PODN: variants seen among roughly 807,000 people sequenced by gnomAD.
PODN encodes the protein podocan, also known as podocan proteoglycan.
PODN carries 40 observed loss-of-function variants against 52.7 expected under a neutral mutation model. The observed-to-expected ratio is 0.76, with a 90% CI of 0.59 to 0.99. The LOEUF (loss-of-function observed/expected upper bound fraction) is 0.99. Ranked by LOEUF, PODN falls within the 50% of genes least tolerant of loss-of-function variation. The pLI, the probability that PODN is intolerant of heterozygous loss-of-function variation, is 0.00. For missense variants in PODN, 720 were observed against 815.1 expected (o/e 0.88, Z 1.42); for synonymous variants, 396 against 377.9 (o/e 1.05, Z -0.56).
intron 1 of PODN, among the ~76,000 whole-genome samples, chr1:53,065,367 A>AG (rs397958285): frequency 1.3e-5 from 2 of 151,714 alleles, no homozygotes; most frequent in African/African-American, 4.9e-5. Context: ...AAAAAAAAAA[A>AG]GAAAGTTGGA....
chr1:53,075,310 C>T (rs1644178125), intron 4 of PODN, among the ~76,000 whole-genome samples: 1 of 152,230 alleles, frequency 6.6e-6, no homozygotes, highest in South Asian at 2.1e-4. Context: ...AGCACCCAGA[C>T]CCAGTCCTCC....
At chr1:53,078,102 G>GACCT (rs1644223812) in intron 7 of PODN, among the ~76,000 whole-genome samples, 1 of 152,204 alleles carries the variant, frequency 6.6e-6, no homozygotes, top group African/African-American at 2.4e-5. Context: ...TTTTCTAAGG[G>GACCT]ACCAGGGTAG....
At chr1:53,073,068 A>G (rs1218242544) in intron 3 of PODN, 2 of 224,288 alleles carry the variant, frequency 8.9e-6, no homozygotes, top group Non-Finnish European at 1.9e-5. Context: ...CTGTCTAACT[A>G]AAGCAAGCTC....
chr1:53,067,327 C>A (rs1375613615), intron 1 of PODN, among the ~76,000 whole-genome samples: 1 of 151,990 alleles, frequency 6.6e-6, no homozygotes, highest in African/African-American at 2.4e-5. Context: ...CTCCTTGGGA[C>A]CCCTTTTACG....
intron 9 of PODN, among the ~76,000 whole-genome samples, 193 bp downstream of exon 9, chr1:53,081,069 A>G (rs1644288772): frequency 6.6e-6 from 1 of 152,238 alleles, no homozygotes; most frequent in Non-Finnish European, 1.5e-5. Flanking sequence ...TGGAAACGTT[A>G]GAAGCCAGTG....
At chr1:53,075,481 T>G (rs568307810) in intron 4 of PODN, among the ~76,000 whole-genome samples, 11 of 152,332 alleles carry the variant, frequency 7.2e-5, no homozygotes, top group African/African-American at 2.6e-4. Flanking sequence ...ACCTGGACGC[T>G]TGCCTCCTCA....
Position 53,077,870 on chromosome 1 carries a change from C to A in PODN, c.854+70C>A, listed in dbSNP as rs929184521. The A allele has an allele frequency of 4.1e-6, 5 of 1,210,122 alleles. No homozygotes were observed. The Admixed American group carries it at 8.1e-5, about 20-fold the overall frequency. The allele number at this position is 1,210,122 out of a possible 1,614,324, so 75.0% of individuals were successfully genotyped here. On this transcript the variant is annotated intron_variant, in intron 7 of 10. Transcript: ENST00000312553. Reference sequence around the variant, plus strand: ...GGGAAGCTCCTTCAGGGCCAACCATCCAGCCCAGCCCAGCCCCTCACGCAC... The same window carrying A: ...GGGAAGCTCCTTCAGGGCCAACCATACAGCCCAGCCCAGCCCCTCACGCAC...
chr1:53,074,802 C>A, intron 4 of PODN, 132 bp downstream of exon 4: 1 of 524,010 alleles, frequency 1.9e-6, no homozygotes, highest in Admixed American at 3.5e-5. Context: ...AGACATGGCC[C>A]TGGGTCGGGG....
chr1:53,070,032 C>G lies in PODN; in HGVS notation c.177C>G (p.Pro59=), dbSNP rs143779530. ...EPVLVLSPEE[P]GPGPAAVSCP... ...TGCTGGTACTGAGCCCTGAGGAGCC[C>G]GGGCCTGGCCCAGCCGCGGTCAGCT... is the stretch of plus-strand genomic sequence containing the variant. The change falls in exon 2 of 11, where the codon CCC becomes CCG. Residue 59 remains proline, a synonymous_variant. Transcript: ENST00000312553. 1.2e-6 allele frequency: 2 copies of G among 1,612,776 alleles called. No individual in the cohort carries two copies. Among genetic ancestry groups the G allele is most frequent in the Non-Finnish European group, 1.7e-6 (2 of 1,179,948 alleles).
intron 10 of PODN, among the ~76,000 whole-genome samples, chr1:53,082,952 A>AT (rs1644316791): frequency 6.6e-6 from 1 of 152,178 alleles, no homozygotes; most frequent in Admixed American, 6.5e-5. Flanking sequence ...CTGCATGCAC[A>AT]CATGTACACA....
intron 8 of PODN, among the ~76,000 whole-genome samples, chr1:53,080,471 A>G (rs1644278701): frequency 6.6e-6 from 1 of 152,214 alleles, no homozygotes; most frequent in Non-Finnish European, 1.5e-5. Context: ...TAGGACGTTC[A>G]TCAATTAGAA....
At chr1:53,064,313 C>A (rs75161068) in intron 1 of PODN, among the ~76,000 whole-genome samples, 2,853 of 152,316 alleles carry the variant, frequency 0.019, 99 homozygotes, top group African/African-American at 0.065. Context: ...AACACCCTAA[C>A]CCAGCCAAGG....
chr1:53,080,609 C>A (rs979646795), intron 8 of PODN, 119 bp from the exon 9 acceptor site: 12 of 1,079,482 alleles, frequency 1.1e-5, no homozygotes, highest in African/African-American at 1.1e-4. Context: ...AGACACCCCC[C>A]CTCCTCCACA....
At position 53,077,256 on chromosome 1, in the gene PODN, C is replaced by T; in HGVS notation, c.648C>T (p.Ser216=). Residue 216 remains serine (S), a synonymous_variant, in exon 6 of 11, where the codon TCC becomes TCT. Coordinates refer to ENST00000312553, the MANE Select transcript of PODN (RefSeq NM_153703.5). The part of the protein sequence containing the change: ...AGLPDNMFNG[S]SNVEVLILSS... Reference sequence around the variant, plus strand: ...TGCCGGACAACATGTTCAACGGCTCCAGCAACGTCGAGGTCCTCATCCTGT... The same window carrying T: ...TGCCGGACAACATGTTCAACGGCTCTAGCAACGTCGAGGTCCTCATCCTGT... 1 of 1,613,496 alleles carries T rather than the reference C, an allele frequency of 6.2e-7. No homozygotes were observed. Among genetic ancestry groups the T allele is most frequent in the Non-Finnish European group, 8.5e-7 (1 of 1,180,028 alleles).
chr1:53,070,387 G>A (rs1238500366), intron 2 of PODN, among the ~76,000 whole-genome samples: 1 of 152,222 alleles, frequency 6.6e-6, no homozygotes, highest in East Asian at 1.9e-4. Flanking sequence ...CACTGTGATA[G>A]TACAATAAAA....
intron 1 of PODN, among the ~76,000 whole-genome samples, chr1:53,066,189 G>T (rs1473016583): frequency 6.6e-6 from 1 of 151,876 alleles, no homozygotes; most frequent in Admixed American, 6.6e-5. Flanking sequence ...GAGAGACGAA[G>T]TTTCGCCATC....
chr1:53,062,361 GC>G (rs1270777066), intron 1 of PODN, 53 bp downstream of exon 1: 40 of 1,196,202 alleles, frequency 3.3e-5, no homozygotes, highest in Non-Finnish European at 4.2e-5. Flanking sequence ...CTGAGCCCGG[GC>G]AGCGCACTCA....
In PODN at chr1:53,078,512, C is replaced by A. The variant is rs1168353249; in HGVS notation, c.1002C>A (p.Ser334Arg). The A allele has an allele frequency of 6.2e-7, 1 of 1,613,280 alleles. No homozygotes were observed. Among genetic ancestry groups the A allele is most frequent in the South Asian group, 1.1e-5 (1 of 91,090 alleles). The change falls in exon 8 of 11, where the codon AGC becomes AGA. Residue 334 changes from serine (S) to arginine (R), a missense_variant. Coordinates refer to ENST00000312553, the MANE Select transcript of PODN (RefSeq NM_153703.5). ...VDANVLTPIR[S>R]LEYLLLHSNQ... The stretch of plus-strand genomic sequence containing the variant: ...CGAATGTGCTGACCCCCATCCGCAG[C>A]CTGGAGTACCTGCTGCTGCACAGCA...
At chr1:53,083,815 G>C (rs1187220317) in intron 10 of PODN, among the ~76,000 whole-genome samples, 4 of 152,098 alleles carry the variant, frequency 2.6e-5, no homozygotes, top group Non-Finnish European at 5.9e-5. Context: ...TTGGAGAGGA[G>C]CCAGGAGCGG....
Sources: allele counts gnomAD v4.1 joint callset (sites outside exome capture counted in the v4.1 genomes callset), GRCh38; gene constraint gnomAD v4.1.1; transcripts MANE v1.5; gene names NCBI Gene and HGNC (gene_info 2026-07-23, HGNC 2026-07-21).